VIT: variants seen among roughly 807,000 people sequenced by gnomAD.
VIT encodes the protein vitrin.
A neutral mutation model predicts 78.0 loss-of-function variants in VIT; 99 were observed. The observed-to-expected ratio is 1.27, with a 90% CI of 1.08 to 1.50. VIT has a LOEUF of 1.50. Ranked by LOEUF, VIT falls within the 40% of genes most tolerant of loss-of-function variation. The pLI is 0.00. For synonymous variants in VIT, 374 were observed against 334.3 expected (o/e 1.12, Z -1.29); for missense variants, 1,126 against 875.3 (o/e 1.29, Z -3.61).
chr2:36,810,928 C>T (rs780739084), intron 15 of VIT, among the ~76,000 whole-genome samples: 1 of 152,160 alleles, frequency 6.6e-6, no homozygotes, highest in Non-Finnish European at 1.5e-5. Context: ...GCCACTGCAC[C>T]TGGCTTCTGT....
intron 15 of VIT, 82 bp downstream of exon 15, chr2:36,809,067 C>G: frequency 6.7e-7 from 1 of 1,492,966 alleles, no homozygotes; most frequent in Non-Finnish European, 8.9e-7. Flanking sequence ...AAGGTATTGT[C>G]TTTTTATGCA....
At chr2:36,796,119 A>T (rs1487194773) in intron 12 of VIT, among the ~76,000 whole-genome samples, 1 of 152,100 alleles carries the variant, frequency 6.6e-6, no homozygotes, top group African/African-American at 2.4e-5. Context: ...TTAAAAAAAA[A>T]AAAAAAAAAC....
chr2:36,783,360 T>C lies in VIT; in HGVS notation c.868T>C (p.Leu290=), dbSNP rs755125936. The C allele has an allele frequency of 1.2e-6, 2 of 1,614,162 alleles. No homozygotes were observed. Among genetic ancestry groups the C allele is most frequent in the African/African-American group, 1.3e-5 (1 of 75,052 alleles). The change falls in exon 11 of 16, where the codon TTG becomes CTG. Residue 290 remains leucine, a synonymous_variant. Transcript: ENST00000379242. The part of the protein sequence containing the change: ...LDEGLVPKEE[L]STQSLEPVSL... ...TCCAGGACTTGTTCCAAAAGAAGAA[T>C]TGAGCACACAGTCTTTGGAGCCAGT...
chr2:36,757,209 G>T (rs984333018), intron 5 of VIT, among the ~76,000 whole-genome samples: 4 of 152,146 alleles, frequency 2.6e-5, no homozygotes, highest in East Asian at 1.9e-4. Flanking sequence ...TCTTCTGAAG[G>T]CTCAGGTGCC....
At chr2:36,789,997 G>A (rs1203210480) in intron 12 of VIT, among the ~76,000 whole-genome samples, 1 of 152,096 alleles carries the variant, frequency 6.6e-6, no homozygotes, top group African/African-American at 2.4e-5. Context: ...CCTTCCTTGG[G>A]TTTCCTTAGG....
chr2:36,808,653 G>C lies in VIT; in HGVS notation c.1571G>C (p.Gly524Ala). Residue 524 changes from glycine (G) to alanine (A), a missense_variant, in exon 15 of 16, where the codon GGC (glycine) becomes GCC (alanine). Coordinates refer to ENST00000379242, the MANE Select transcript of VIT (RefSeq NM_053276.4). ...GACGGCTCCAGCAGTGTGGGGACGG[G>C]CAACTTCCGCACCGTCCTCCAGTTT... ...VIDGSSSVGT[G>A]NFRTVLQFVT... is the part of the protein sequence containing the mutation. 6.2e-7 allele frequency: 1 copy of C among 1,614,218 alleles called. No individual in the cohort carries two copies. Among genetic ancestry groups the C allele is most frequent in the Non-Finnish European group, 8.5e-7 (1 of 1,180,046 alleles).
intron 12 of VIT, among the ~76,000 whole-genome samples, chr2:36,791,156 A>G (rs1665473582): frequency 6.6e-6 from 1 of 152,206 alleles, no homozygotes; most frequent in South Asian, 2.1e-4. Context: ...TTGAAAATCA[A>G]ATAGACTTTT....
At chr2:36,754,090 TGAG>T (rs1395681850) in intron 4 of VIT, among the ~76,000 whole-genome samples, 1 of 152,180 alleles carries the variant, frequency 6.6e-6, no homozygotes. Context: ...CTTTACATGT[TGAG>T]TAGTATTAGC....
intron 12 of VIT, among the ~76,000 whole-genome samples, chr2:36,789,819 GC>G (rs1400361958): frequency 6.6e-6 from 1 of 152,116 alleles, no homozygotes; most frequent in East Asian, 1.9e-4. Context: ...AGGAAATGAG[GC>G]CCTACAAACA....
chr2:36,786,107 G>T (rs1665076326), intron 11 of VIT, among the ~76,000 whole-genome samples: 1 of 151,994 alleles, frequency 6.6e-6, no homozygotes, highest in Non-Finnish European at 1.5e-5. Context: ...CACCCACAAT[G>T]GGCAGTGCCC....
chr2:36,737,407 C>T (rs1667574466), intron 3 of VIT, among the ~76,000 whole-genome samples: 2 of 152,114 alleles, frequency 1.3e-5, no homozygotes, highest in African/African-American at 4.8e-5. Flanking sequence ...GTTTTCTAAG[C>T]AGGAAATTTA....
chr2:36,710,106 T>G (rs1665709606), intron 1 of VIT, among the ~76,000 whole-genome samples: 1 of 152,364 alleles, frequency 6.6e-6, no homozygotes, highest in South Asian at 2.1e-4. Context: ...CTCTGCAGAC[T>G]CTATCTGGTT....
At chr2:36,765,998 C>G (rs975436107) in intron 6 of VIT, among the ~76,000 whole-genome samples, 3 of 152,236 alleles carry the variant, frequency 2.0e-5, no homozygotes, top group African/African-American at 7.2e-5. Flanking sequence ...TGTTCCTTCC[C>G]AGGACCGAGG....
At chr2:36,737,716 G>A (rs1295341587) in intron 3 of VIT, among the ~76,000 whole-genome samples, 2 of 152,194 alleles carry the variant, frequency 1.3e-5, no homozygotes, top group African/African-American at 2.4e-5. Context: ...CACTGATGAA[G>A]AGAAATACGA....
At chr2:36,749,390 C>T (rs1422690523) in intron 4 of VIT, among the ~76,000 whole-genome samples, 1 of 152,064 alleles carries the variant, frequency 6.6e-6, no homozygotes, top group Non-Finnish European at 1.5e-5. Context: ...AAGTCACTAC[C>T]TAAATGCAGA....
intron 6 of VIT, 86 bp downstream of exon 6, chr2:36,759,132 C>G (rs1668955296): frequency 6.2e-7 from 1 of 1,612,932 alleles, no homozygotes; most frequent in Middle Eastern, 1.6e-4. Context: ...AAATTAACAT[C>G]TTAACCGGTC....
At chr2:36,740,115 G>A (rs762025553) in intron 3 of VIT, among the ~76,000 whole-genome samples, 4 of 152,140 alleles carry the variant, frequency 2.6e-5, no homozygotes, top group South Asian at 2.1e-4. Flanking sequence ...AAGGAAATCC[G>A]ATTTTCTGCA....
chr2:36,797,911 G>A (rs1271801443), intron 12 of VIT, among the ~76,000 whole-genome samples: 1 of 152,320 alleles, frequency 6.6e-6, no homozygotes, highest in East Asian at 1.9e-4. Flanking sequence ...GTCAGGCAGA[G>A]AGATTGTCAG....
intron 6 of VIT, among the ~76,000 whole-genome samples, chr2:36,760,354 G>A (rs577504922): frequency 2.6e-5 from 4 of 152,066 alleles, no homozygotes; most frequent in Admixed American, 6.6e-5. Context: ...GATTTGAGGA[G>A]CCTTAGCATA....
Sources: allele counts gnomAD v4.1 joint callset (sites outside exome capture counted in the v4.1 genomes callset), GRCh38; gene constraint gnomAD v4.1.1; transcripts MANE v1.5; gene names NCBI Gene and HGNC (gene_info 2026-07-23, HGNC 2026-07-21).